MGAT5: variants seen among roughly 807,000 people sequenced by gnomAD.
MGAT5 encodes alpha-1,6-mannosylglycoprotein 6-beta-N-acetylglucosaminyltransferase.
A neutral mutation model predicts 94.3 loss-of-function variants in MGAT5; 30 were observed. That is an observed-to-expected ratio of 0.32 (90% CI 0.24 to 0.43). The LOEUF (loss-of-function observed/expected upper bound fraction) is 0.43, where lower values mean the gene tolerates loss of function less well. Among genes scored for constraint, MGAT5 ranks in the 20% least tolerant of loss-of-function variants. MGAT5 has a pLI of 1.00. For missense variants in MGAT5, 691 were observed against 905.5 expected, an observed-to-expected ratio of 0.76 and a Z score of 3.04; for synonymous variants, 310 against 322.9, an observed-to-expected ratio of 0.96 and a Z score of 0.43.
intron 1 of MGAT5, among the ~76,000 whole-genome samples, chr2:134,204,047 T>C (rs1679920392): frequency 6.6e-6 from 1 of 152,176 alleles, no homozygotes; most frequent in Admixed American, 6.5e-5. Context: ...TTTGTACAGG[T>C]ACTTATAAAA....
Position 134,441,894 on chromosome 2 carries a change from A to C in MGAT5, c.2006A>C (p.Asn669Thr), listed in dbSNP as rs1685505489. 1.9e-6 allele frequency: 3 copies of C among 1,613,276 alleles called. No homozygotes were observed. The African/African-American group carries it at 4.0e-5, about 22-fold the overall frequency. Residue 669 changes from asparagine (N) to threonine (T), a missense_variant, in exon 15 of 16, where the codon AAC (asparagine) becomes ACC (threonine). By Grantham distance (65) the Asn-to-Thr change is moderately conservative. Transcript: ENST00000281923. ...ICEPSFFQHL[N>T]KDKDMLKYKV... is the part of the protein sequence containing the mutation. ...GAGCCTTCTTTCTTCCAGCACCTCA[A>C]CAAGGACAAGGACATGCTGAAGTAA...
intron 2 of MGAT5, among the ~76,000 whole-genome samples, chr2:134,280,700 C>T (rs537677305): frequency 3.9e-5 from 6 of 152,298 alleles, no homozygotes; most frequent in African/African-American, 9.6e-5. Flanking sequence ...GATTATGGGA[C>T]CCTGGATAAA....
chr2:134,261,033 C>T (rs1053656030), intron 1 of MGAT5, among the ~76,000 whole-genome samples: 1 of 152,134 alleles, frequency 6.6e-6, no homozygotes, highest in Non-Finnish European at 1.5e-5. Context: ...AGTTCACAAG[C>T]ACGCCCAGGC....
chr2:134,428,895 T>C (rs3791319), intron 14 of MGAT5, among the ~76,000 whole-genome samples: 37,005 of 152,134 alleles, frequency 0.24, 5,682 homozygotes, highest in African/African-American at 0.43. Context: ...AAACCTTATA[T>C]GTATATAAAA....
chr2:134,141,466 G>A (rs971914920), intron 1 of MGAT5, among the ~76,000 whole-genome samples: 1 of 142,418 alleles, frequency 7.0e-6, no homozygotes, highest in Non-Finnish European at 1.5e-5. Flanking sequence ...ATAGTTGGAT[G>A]GGTAAGTGGA....
At chr2:134,129,204 G>A (rs914246644) in intron 1 of MGAT5, among the ~76,000 whole-genome samples, 4 of 152,168 alleles carry the variant, frequency 2.6e-5, no homozygotes, top group African/African-American at 7.2e-5. Flanking sequence ...GAGGCTGCCC[G>A]TGTTCCTAGG....
intron 4 of MGAT5, among the ~76,000 whole-genome samples, chr2:134,332,999 A>G (rs1282138898): frequency 1.3e-5 from 2 of 152,202 alleles, no homozygotes; most frequent in South Asian, 2.1e-4. Context: ...ACTGGAAACT[A>G]GTTCAACCAT....
At chr2:134,363,023 G>A (rs548155860) in intron 10 of MGAT5, among the ~76,000 whole-genome samples, 1 of 152,340 alleles carries the variant, frequency 6.6e-6, no homozygotes, top group Admixed American at 6.5e-5. Context: ...GAGTACATTT[G>A]GGGAAAGTAT....
intron 14 of MGAT5, among the ~76,000 whole-genome samples, chr2:134,441,104 A>C (rs999940396): frequency 6.6e-6 from 1 of 152,122 alleles, no homozygotes; most frequent in Non-Finnish European, 1.5e-5. Flanking sequence ...TTTCTGAGAG[A>C]CTATTGACGA....
At chr2:134,362,925 G>C (rs957350195) in intron 10 of MGAT5, among the ~76,000 whole-genome samples, 1 of 152,230 alleles carries the variant, frequency 6.6e-6, no homozygotes, top group East Asian at 1.9e-4. Context: ...GTTCAGGGAG[G>C]TCTTGGCTGA....
chr2:134,187,995 C>A (rs1473862144), intron 1 of MGAT5, among the ~76,000 whole-genome samples: 2 of 152,324 alleles, frequency 1.3e-5, no homozygotes, highest in East Asian at 1.9e-4. Context: ...AAACTTTGAA[C>A]CTCTTCATTT....
chr2:134,177,001 A>G (rs776321131), intron 1 of MGAT5, among the ~76,000 whole-genome samples: 16 of 152,148 alleles, frequency 1.1e-4, no homozygotes, highest in Non-Finnish European at 2.4e-4. Context: ...CCTTTGCCCA[A>G]GTGGGTTCCC....
In MGAT5 at chr2:134,449,149, AG is replaced by A; in HGVS notation, c.*303del. 1 of 383,164 alleles carries A rather than the reference AG, an allele frequency of 2.6e-6. No individual in the cohort carries two copies. The highest frequency in any genetic ancestry group is 4.0e-5 in the Admixed American group (1 of 24,800). The allele number at this position is 383,164 out of a possible 1,614,324, so 23.7% of individuals were successfully genotyped here. On this transcript the variant is annotated 3_prime_UTR_variant, in exon 16 of 16. Transcript: ENST00000281923. ...CTGCAGCTGCTCCAGGGCAAAAGAA[AG>A]TCTCAAGAGTCCTTTAAAACAAAAC... is the stretch of plus-strand genomic sequence containing the variant.
chr2:134,139,915 G>C (rs1012397874), intron 1 of MGAT5, among the ~76,000 whole-genome samples: 17 of 152,316 alleles, frequency 1.1e-4, no homozygotes, highest in African/African-American at 3.4e-4. Flanking sequence ...TTTTAGTTGA[G>C]AGTTGTTATG....
At chr2:134,178,772 C>T (rs1016001783) in intron 1 of MGAT5, among the ~76,000 whole-genome samples, 2 of 152,156 alleles carry the variant, frequency 1.3e-5, no homozygotes, top group African/African-American at 4.8e-5. Context: ...TTTGTTAACA[C>T]CTGTGTCCTC....
At chr2:134,199,003 A>T (rs1679637104) in intron 1 of MGAT5, among the ~76,000 whole-genome samples, 2 of 152,230 alleles carry the variant, frequency 1.3e-5, no homozygotes. Flanking sequence ...GTCTTAAAAC[A>T]TTTTGGTTAA....
chr2:134,302,653 T>G (rs1019346467), intron 2 of MGAT5, among the ~76,000 whole-genome samples: 1 of 151,854 alleles, frequency 6.6e-6, no homozygotes, highest in Admixed American at 6.6e-5. Flanking sequence ...GCTGGCATTT[T>G]TCAAAGACAT....
intron 1 of MGAT5, among the ~76,000 whole-genome samples, chr2:134,219,720 T>C (rs994989692): frequency 6.6e-6 from 1 of 152,214 alleles, no homozygotes; most frequent in Non-Finnish European, 1.5e-5. Context: ...TGAGTTCTTT[T>C]AGGAGATCCT....
chr2:134,165,382 T>C (rs941280233), intron 1 of MGAT5, among the ~76,000 whole-genome samples: 2 of 152,120 alleles, frequency 1.3e-5, no homozygotes, highest in African/African-American at 4.8e-5. Flanking sequence ...TTGTTTCATG[T>C]TGGAATTCAA....
Sources: allele counts gnomAD v4.1 joint callset (sites outside exome capture counted in the v4.1 genomes callset), GRCh38; gene constraint gnomAD v4.1.1; transcripts MANE v1.5; gene names NCBI Gene and HGNC (gene_info 2026-07-23, HGNC 2026-07-21).